The following SLAIN2 variants were observed in gnomAD, a reference collection of about 807,000 sequenced individuals.
SLAIN2 encodes the protein SLAIN motif-containing protein 2.
A neutral mutation model predicts 56.6 loss-of-function variants in SLAIN2; 31 were observed. The ratio of observed to expected loss-of-function variants is 0.55; its 90% CI spans 0.41 to 0.74. The LOEUF (loss-of-function observed/expected upper bound fraction) is 0.74, where lower values mean the gene tolerates loss of function less well. Among genes scored for constraint, SLAIN2 ranks in the 30% least tolerant of loss-of-function variants. SLAIN2 has a pLI of 0.00. For synonymous variants in SLAIN2, 317 were observed against 284.9 expected (o/e 1.11, Z -1.13); for missense variants, 777 against 754.2 (o/e 1.03, Z -0.35).
chr4:48,368,207 C>A (rs1388076824), intron 1 of SLAIN2, among the ~76,000 whole-genome samples: 5 of 151,972 alleles, frequency 3.3e-5, no homozygotes, highest in Non-Finnish European at 7.4e-5. Flanking sequence ...CGCCACCACA[C>A]CTGGCTAATT....
intron 4 of SLAIN2, among the ~76,000 whole-genome samples, chr4:48,381,703 T>G (rs1577723447): frequency 6.6e-6 from 1 of 152,356 alleles, no homozygotes; most frequent in East Asian, 1.9e-4. Flanking sequence ...TTGATAGCAC[T>G]TTCTGTGTGT....
intron 6 of SLAIN2, among the ~76,000 whole-genome samples, chr4:48,418,213 A>G (rs1384336726): frequency 6.7e-6 from 1 of 149,598 alleles, no homozygotes; most frequent in Non-Finnish European, 1.5e-5. Context: ...ATTAGTGGTA[A>G]GAGCGTATGT....
intron 2 of SLAIN2, among the ~76,000 whole-genome samples, chr4:48,375,126 T>TA (rs1309110622): frequency 1.3e-5 from 2 of 152,144 alleles, no homozygotes; most frequent in East Asian, 3.9e-4. Context: ...ACTGAGAAGA[T>TA]AAAAAGGCTT....
At chr4:48,414,371 G>C (rs1486473397) in intron 6 of SLAIN2, among the ~76,000 whole-genome samples, 2 of 152,136 alleles carry the variant, frequency 1.3e-5, no homozygotes, top group Non-Finnish European at 2.9e-5. Flanking sequence ...AAGGAGGCCT[G>C]TTCTTTAGAT....
At chr4:48,388,623 TG>T (rs1160174989) in intron 6 of SLAIN2, among the ~76,000 whole-genome samples, 2 of 152,154 alleles carry the variant, frequency 1.3e-5, no homozygotes, top group African/African-American at 4.8e-5. Flanking sequence ...ACTAGGGAAG[TG>T]GTAAAAGCAA....
chr4:48,342,711 CT>C lies in SLAIN2; in HGVS notation c.389+607del, dbSNP rs761272695. Reference sequence around the variant, plus strand: ...GAAGAGAGGGCAGAGGATGGTGCTGCTTTTTTTTTTTTTTTTTTTTTTTTGT... The same window carrying C: ...GAAGAGAGGGCAGAGGATGGTGCTGCTTTTTTTTTTTTTTTTTTTTTTTGT... On this transcript the variant is annotated intron_variant, in intron 1 of 7. Transcript: ENST00000264313. Among the ~76,000 whole-genome samples, 18 of 65,946 alleles carry C rather than the reference CT, an allele frequency of 2.7e-4. 1 individual carries two copies. Among genetic ancestry groups the C allele is most frequent in the Admixed American group, 1.2e-3 (5 of 4,042 alleles). 43.3% of individuals were successfully genotyped at this position (65,946 alleles called of 152,430 possible). A position where few individuals can be genotyped will look rare whatever the true frequency, so the allele number is the denominator to read the frequency against.
chr4:48,388,657 A>T (rs1716159664), intron 6 of SLAIN2, among the ~76,000 whole-genome samples: 1 of 152,198 alleles, frequency 6.6e-6, no homozygotes, highest in South Asian at 2.1e-4. Flanking sequence ...CCCTCTTCCC[A>T]GCTCCTCCCT....
intron 6 of SLAIN2, among the ~76,000 whole-genome samples, chr4:48,415,167 T>A (rs1277527601): frequency 7.1e-5 from 1 of 14,162 alleles, no homozygotes; most frequent in Non-Finnish European, 1.6e-4. Flanking sequence ...TAGTTTACAG[T>A]CCCACCAACA....
chr4:48,400,388 CTTTTTTTTTTTTTTT>C (rs3081372), intron 6 of SLAIN2, among the ~76,000 whole-genome samples: 11 of 96,446 alleles, frequency 1.1e-4, no homozygotes, highest in African/African-American at 4.7e-4. Context: ...TTTGATTCTT[CTTTTTTTTTTTTTTT>C]TTTTTTTTTT....
intron 6 of SLAIN2, among the ~76,000 whole-genome samples, chr4:48,386,313 T>C (rs191726253): frequency 4.7e-4 from 71 of 152,280 alleles, no homozygotes; most frequent in African/African-American, 1.6e-3. Flanking sequence ...AATTGAAGCT[T>C]TGAATGGCCA....
chr4:48,345,706 TATA>T (rs1377857506), intron 1 of SLAIN2, among the ~76,000 whole-genome samples: 1 of 152,084 alleles, frequency 6.6e-6, no homozygotes. Context: ...TCAGATTAAA[TATA>T]AGGCTTTTAA....
At chr4:48,364,097 G>T (rs1454336762) in intron 1 of SLAIN2, among the ~76,000 whole-genome samples, 2 of 71,098 alleles carry the variant, frequency 2.8e-5, no homozygotes, top group Non-Finnish European at 6.3e-5. Flanking sequence ...CTGCCGGGCG[G>T]AGGGGCTCCT....
intron 6 of SLAIN2, among the ~76,000 whole-genome samples, chr4:48,405,086 GGT>G (rs1168657188): frequency 6.6e-6 from 1 of 152,038 alleles, no homozygotes; most frequent in Admixed American, 6.6e-5. Flanking sequence ...AATGATTTCT[GGT>G]TTATAAATCT....
In SLAIN2 at chr4:48,383,758, C is replaced by T. The variant is rs1261600701; in HGVS notation, c.1334C>T (p.Pro445Leu). Reference sequence around the variant, plus strand: ...TTTCAAGTGCCAAACGGAGGAATACCTCGTATGCAACCTCAGGCTTCAGCC... The same window carrying T: ...TTTCAAGTGCCAAACGGAGGAATACTTCGTATGCAACCTCAGGCTTCAGCC... The part of the protein sequence containing the change: ...SNFQVPNGGI[P>L]RMQPQASAIP... Residue 445 changes from proline to leucine, a missense_variant, in exon 6 of 8, where the codon CCT becomes CTT. Pro to Leu is a moderately conservative substitution (Grantham distance 98). Transcript: ENST00000264313. The T allele has an allele frequency of 1.2e-6, 2 of 1,612,054 alleles. No homozygotes were observed. Among genetic ancestry groups the T allele is most frequent in the Non-Finnish European group, 8.5e-7 (1 of 1,178,734 alleles).
intron 2 of SLAIN2, 98 bp from the exon 3 acceptor site, chr4:48,377,798 G>A: frequency 9.0e-7 from 1 of 1,110,548 alleles, no homozygotes; most frequent in Non-Finnish European, 1.3e-6. Flanking sequence ...CATTTAAATT[G>A]AGATAATGAT....
chr4:48,397,872 A>G (rs1380739652), intron 6 of SLAIN2, among the ~76,000 whole-genome samples: 1 of 152,188 alleles, frequency 6.6e-6, no homozygotes, highest in Non-Finnish European at 1.5e-5. Context: ...TCCATGGTGT[A>G]TATGTACCAC....
chr4:48,350,298 TG>T (rs1048233495), intron 1 of SLAIN2, among the ~76,000 whole-genome samples: 1 of 152,238 alleles, frequency 6.6e-6, no homozygotes, highest in Non-Finnish European at 1.5e-5. Context: ...AACCTGGTGC[TG>T]ATACCCTGGT....
chr4:48,365,218 C>T (rs1715481341), intron 1 of SLAIN2, among the ~76,000 whole-genome samples: 1 of 151,720 alleles, frequency 6.6e-6, no homozygotes, highest in Admixed American at 6.6e-5. Context: ...CCTGTAATCC[C>T]AGTACTTTGG....
intron 1 of SLAIN2, among the ~76,000 whole-genome samples, chr4:48,365,853 G>T (rs1296399241): frequency 6.6e-6 from 1 of 152,096 alleles, no homozygotes; most frequent in Non-Finnish European, 1.5e-5. Context: ...GTGAGCCACC[G>T]CACCCAGCCT....
Sources: gnomAD v4.1 joint callset for allele counts (sites outside exome capture counted in the v4.1 genomes callset) on GRCh38, gnomAD v4.1.1 for gene constraint, MANE v1.5 for transcripts, NCBI Gene and HGNC (gene_info 2026-07-23, HGNC 2026-07-21) for gene names.